Variants in PSPC1 observed in about 807,000 individuals in gnomAD.
PSPC1 encodes the protein paraspeckle protein 1.
In PSPC1, 14 loss-of-function variants were observed where a neutral mutation model predicts 51.6. That is an observed-to-expected ratio of 0.27 (90% CI 0.18 to 0.42). PSPC1 has a LOEUF of 0.42. PSPC1 is among the 10% of genes least tolerant of loss of function. The pLI, the probability that PSPC1 is intolerant of heterozygous loss-of-function variation, is 1.00. For missense variants in PSPC1, 406 were observed against 701.1 expected, an observed-to-expected ratio of 0.58 and a Z score of 4.75; for synonymous variants, 193 against 231.9, an observed-to-expected ratio of 0.83 and a Z score of 1.53.
At position 19,752,364 on chromosome 13, in the gene PSPC1, C is replaced by T. The variant is rs570295868; in HGVS notation, c.771-897G>A. On this transcript the variant is annotated intron_variant, in intron 3 of 8. Coordinates refer to ENST00000338910, the MANE Select transcript of PSPC1 (RefSeq NM_001354909.2). ...AATATACATTTCTTGAATAAATTAACGAATTACCAAATAAAGGGCTATGAA... is the reference window on the plus strand; with the variant it reads ...AATATACATTTCTTGAATAAATTAATGAATTACCAAATAAAGGGCTATGAA... 7.0e-4 allele frequency among the ~76,000 whole-genome samples: 107 copies of T among 152,044 alleles called. 1 individual carries two copies. The highest frequency in any genetic ancestry group is 2.4e-3 in the African/African-American group (98 of 41,462).
downstream of PSPC1, among the ~76,000 whole-genome samples, chr13:19,673,932 G>GTGAC (rs1440286015): frequency 2.0e-5 from 3 of 152,348 alleles, no homozygotes; most frequent in South Asian, 4.1e-4. Context: ...CACAGCTTAT[G>GTGAC]TGACTGAGGA....
At chr13:19,673,066 A>T (rs1270695932), downstream of PSPC1, 9 of 442,528 alleles carry the variant, frequency 2.0e-5, no homozygotes, top group Non-Finnish European at 4.0e-5. Flanking sequence ...AAAAAAAAAA[A>T]AAGTTTCTTG....
intron 7 of PSPC1, among the ~76,000 whole-genome samples, chr13:19,708,693 C>T (rs1881016628): frequency 6.6e-6 from 1 of 152,162 alleles, no homozygotes; most frequent in Admixed American, 6.5e-5. Flanking sequence ...ACTGAGTGCA[C>T]TTCTGTGCAC....
At chr13:19,693,932 G>C (rs1593542727) in intron 6 of PSPC1, among the ~76,000 whole-genome samples, 1 of 152,042 alleles carries the variant, frequency 6.6e-6, no homozygotes, top group South Asian at 2.1e-4. Flanking sequence ...GACCATGCTG[G>C]CTAACACGGT....
intron 5 of PSPC1, among the ~76,000 whole-genome samples, chr13:19,736,247 T>C (rs1884769652): frequency 6.6e-6 from 1 of 152,168 alleles, no homozygotes; most frequent in African/African-American, 2.4e-5. Context: ...ACTGCCTGTA[T>C]TTACTAGAAT....
chr13:19,717,433 C>A (rs139323401), intron 6 of PSPC1, among the ~76,000 whole-genome samples: 1 of 151,106 alleles, frequency 6.6e-6, no homozygotes, highest in African/African-American at 2.4e-5. Context: ...AGGCCAAGCA[C>A]GGTGGCTCAA....
intron 1 of PSPC1, among the ~76,000 whole-genome samples, chr13:19,773,422 TG>T (rs1473140628): frequency 7.9e-5 from 12 of 151,872 alleles, no homozygotes; most frequent in Admixed American, 3.9e-4. Context: ...GCTAATTTTT[TG>T]TATTTTTAGT....
rs1210717830 is a variant in PSPC1, at chr13:19,735,893, C to CACCA, written c.1053-5550_1053-5549insTGGT. Among the ~76,000 whole-genome samples, 1,344 of 152,178 alleles carry CACCA rather than the reference C, an allele frequency of 8.8e-3. 13 individuals carry two copies. Among genetic ancestry groups the CACCA allele is most frequent in the African/African-American group, 0.031 (1,278 of 41,508 alleles). On this transcript the variant is annotated intron_variant, in intron 5 of 8. Coordinates refer to ENST00000338910, the MANE Select transcript of PSPC1 (RefSeq NM_001354909.2). ...CTGGAGTGCAGTGGCGCCATCTCTG[C>CACCA]TCACTGCAAGCTACGCCTCCTGGGT... is the stretch of plus-strand genomic sequence containing the variant.
rs1888699425 is a variant in PSPC1, at chr13:19,772,339, C to T, written c.577G>A (p.Gly193Ser). ...ACAAAACCTTTTCCTGTAGCTCTAC[C>T]GCGATCATCCACAACCACAACAGCT... ...EKAVVVVDDR[G>S]RATGKGFVEF... Residue 193 changes from glycine (G) to serine (S), a missense_variant, in exon 2 of 9, where the codon GGT becomes AGT. Transcript: ENST00000338910. The T allele has an allele frequency of 2.5e-6, 4 of 1,614,110 alleles. No homozygotes were observed. Among genetic ancestry groups the T allele is most frequent in the Admixed American group, 1.7e-5 (1 of 59,990 alleles).
At chr13:19,674,739 A>G (rs914744917), downstream of PSPC1, 1 of 152,216 alleles carries the variant, frequency 6.6e-6, no homozygotes, top group Non-Finnish European at 1.5e-5. Flanking sequence ...CTGGGTCACA[A>G]AATGACAAAG....
At chr13:19,677,586 T>A (rs1384287312) in intron 7 of PSPC1, 12 of 341,992 alleles carry the variant, frequency 3.5e-5, no homozygotes, top group Admixed American at 8.7e-5. Context: ...AATATTCTAC[T>A]GACTCAAAAC....
At chr13:19,674,219 G>A (rs930610874), downstream of PSPC1, among the ~76,000 whole-genome samples, 5 of 152,190 alleles carry the variant, frequency 3.3e-5, no homozygotes, top group African/African-American at 1.2e-4. Flanking sequence ...TGTAATGGCT[G>A]TAGCAGAAAG....
In PSPC1 at chr13:19,717,875, TA is replaced by T. The variant is rs35726784; in HGVS notation, c.1159-8277del. ...TGGGCGACAGAGGGAGACTCCACTT[TA>T]AAAAAAAAAAAGTAAATAAGGGTCA... On this transcript the variant is annotated intron_variant, in intron 6 of 8. Coordinates refer to ENST00000338910, the MANE Select transcript of PSPC1 (RefSeq NM_001354909.2). Among the ~76,000 whole-genome samples the T allele has an allele frequency of 7.3e-3, 1,005 of 137,766 alleles. 10 individuals are homozygous for T. Among genetic ancestry groups the T allele is most frequent in the African/African-American group, 0.019 (688 of 35,754 alleles). The allele number at this position is 137,766 out of a possible 152,430, so 90.4% of individuals were successfully genotyped here. A position where few individuals can be genotyped will look rare whatever the true frequency, so the allele number is the denominator to read the frequency against.
chr13:19,730,119 CATG>C, intron 6 of PSPC1, 117 bp downstream of exon 6: 1 of 735,912 alleles, frequency 1.4e-6, no homozygotes, highest in Non-Finnish European at 2.2e-6. Flanking sequence ...ATTTATCAAA[CATG>C]ATGAATTTAG....
At chr13:19,701,803 T>C (rs1228765056), downstream of PSPC1, among the ~76,000 whole-genome samples, 2 of 152,220 alleles carry the variant, frequency 1.3e-5, no homozygotes, top group African/African-American at 4.8e-5. Context: ...CAAACCATAA[T>C]GATGTTTTAT....
At chr13:19,753,576 A>C (rs552799004) in intron 3 of PSPC1, among the ~76,000 whole-genome samples, 6 of 152,330 alleles carry the variant, frequency 3.9e-5, no homozygotes, top group Admixed American at 1.3e-4. Flanking sequence ...AGTCTCGCCT[A>C]TAACAGCCTG....
intron 7 of PSPC1, among the ~76,000 whole-genome samples, chr13:19,676,644 T>C (rs900450035): frequency 2.0e-5 from 3 of 152,172 alleles, no homozygotes; most frequent in African/African-American, 7.2e-5. Flanking sequence ...TGGGAGACAC[T>C]TCATTTCCAA....
chr13:19,706,310 T>C (rs1880653033), intron 7 of PSPC1, among the ~76,000 whole-genome samples: 1 of 152,082 alleles, frequency 6.6e-6, no homozygotes, highest in African/African-American at 2.4e-5. Context: ...ATAAAGATCA[T>C]TATAACTAGC....
intron 6 of PSPC1, among the ~76,000 whole-genome samples, chr13:19,690,193 T>C (rs931170819): frequency 3.3e-5 from 5 of 152,228 alleles, no homozygotes; most frequent in African/African-American, 1.2e-4. Flanking sequence ...CATATAATTT[T>C]TACTGAATTA....
Sources: allele counts gnomAD v4.1 joint callset (sites outside exome capture counted in the v4.1 genomes callset), GRCh38; gene constraint gnomAD v4.1.1; transcripts MANE v1.5; gene names NCBI Gene and HGNC (gene_info 2026-07-23, HGNC 2026-07-21).